NSUN3: variants seen among roughly 807,000 people sequenced by gnomAD.
NSUN3 encodes the protein NOP2/Sun RNA methyltransferase 3.
Under a neutral mutation model 36.8 loss-of-function variants are expected in NSUN3, and 24 were observed. That is an observed-to-expected ratio of 0.65 (90% CI 0.47 to 0.92). The LOEUF (loss-of-function observed/expected upper bound fraction) is 0.92, where lower values mean the gene tolerates loss of function less well. Ranked by LOEUF, NSUN3 falls within the 40% of genes least tolerant of loss-of-function variation. The pLI, the probability that NSUN3 is intolerant of heterozygous loss-of-function variation, is 0.00. For missense variants in NSUN3, 381 were observed against 392.8 expected, an observed-to-expected ratio of 0.97 and a Z score of 0.25; for synonymous variants, 146 against 145.2, an observed-to-expected ratio of 1.01 and a Z score of -0.04.
chr3:94,081,755 G>A lies in NSUN3; in HGVS notation c.123-2352G>A, dbSNP rs2077269935. On this transcript the variant is annotated intron_variant, in intron 2 of 5. Transcript: ENST00000314622. ...TTCTAAGAGATAGGAAAGAAAATGT[G>A]AATAAATGGAGAAACATATTGTGAT... 3 of 152,156 alleles carry A rather than the reference G, an allele frequency of 2.0e-5. No homozygotes were observed. The South Asian group carries it at 6.2e-4, about 32-fold the overall frequency. The allele number at this position is 152,156 out of a possible 1,614,324, so 9.4% of individuals were successfully genotyped here.
intron 5 of NSUN3, among the ~76,000 whole-genome samples, chr3:94,112,872 CTT>C (rs774346893): frequency 1.0e-3 from 150 of 149,282 alleles, no homozygotes; most frequent in Non-Finnish European, 1.8e-3. Flanking sequence ...TAACAAAACT[CTT>C]TTTTTTTTGA....
At position 94,084,299 on chromosome 3, in the gene NSUN3, C is replaced by A; in HGVS notation, c.315C>A (p.His105Gln). The A allele has an allele frequency of 6.2e-7, 1 of 1,614,108 alleles. No homozygotes were observed. Among genetic ancestry groups the A allele is most frequent in the Non-Finnish European group, 8.5e-7 (1 of 1,180,008 alleles). ...CGGGCCGAATCCCTTCAGAAAGACA[C>A]CAAATTGGAAACCTGAAAAAATATT... ...RTPGRIPSERHQIGNLKKYYL... is the reference protein window; with the variant it reads ...RTPGRIPSERQQIGNLKKYYL... The change falls in exon 3 of 6, where the codon CAC becomes CAA. Residue 105 changes from histidine to glutamine, a missense_variant. Transcript: ENST00000314622.
chr3:94,065,837 A>T (rs1218421967), intron 2 of NSUN3, among the ~76,000 whole-genome samples: 5 of 152,350 alleles, frequency 3.3e-5, no homozygotes, highest in Non-Finnish European at 7.3e-5. Flanking sequence ...GTACTCAAAT[A>T]GAGTATCCAA....
chr3:94,088,237 T>C (rs1322741440), intron 3 of NSUN3, among the ~76,000 whole-genome samples: 1 of 152,268 alleles, frequency 6.6e-6, no homozygotes, highest in Non-Finnish European at 1.5e-5. Flanking sequence ...TGTAACACTT[T>C]GTATGTGCTA....
chr3:94,074,594 G>A (rs2077239001), intron 2 of NSUN3, among the ~76,000 whole-genome samples: 1 of 152,134 alleles, frequency 6.6e-6, no homozygotes, highest in Non-Finnish European at 1.5e-5. Context: ...CTCATGATTT[G>A]GCTGTCTGTT....
At chr3:94,098,225 G>A (rs2077351337) in intron 5 of NSUN3, among the ~76,000 whole-genome samples, 1 of 152,068 alleles carries the variant, frequency 6.6e-6, no homozygotes, top group Non-Finnish European at 1.5e-5. Flanking sequence ...AGACGTCTCA[G>A]TTGTACCTAT....
chr3:94,106,979 T>C (rs2077392323), intron 5 of NSUN3, among the ~76,000 whole-genome samples: 1 of 152,142 alleles, frequency 6.6e-6, no homozygotes, highest in Non-Finnish European at 1.5e-5. Context: ...AACTTTTTTT[T>C]TTTTCTTGAG....
chr3:94,103,663 A>G (rs1422815973), intron 5 of NSUN3, among the ~76,000 whole-genome samples: 1 of 152,150 alleles, frequency 6.6e-6, no homozygotes, highest in African/African-American at 2.4e-5. Flanking sequence ...TTAGTTTATC[A>G]TGAACATTTC....
chr3:94,089,410 C>A (rs549920545), intron 3 of NSUN3, among the ~76,000 whole-genome samples: 1 of 152,114 alleles, frequency 6.6e-6, no homozygotes. Context: ...GAGGCAATTT[C>A]CCAAACAGAT....
chr3:94,089,889 G>T (rs898323032), intron 3 of NSUN3, among the ~76,000 whole-genome samples: 1 of 152,072 alleles, frequency 6.6e-6, no homozygotes, highest in East Asian at 1.9e-4. Flanking sequence ...TTCTGAGGAG[G>T]CAAGAATTGA....
chr3:94,106,608 T>TG (rs2077390330), intron 5 of NSUN3, among the ~76,000 whole-genome samples: 1 of 152,222 alleles, frequency 6.6e-6, no homozygotes, highest in African/African-American at 2.4e-5. Context: ...AGATTGTACA[T>TG]GAGCTTCAAC....
intron 5 of NSUN3, among the ~76,000 whole-genome samples, chr3:94,110,472 G>C (rs189010138): frequency 1.3e-5 from 2 of 152,128 alleles, no homozygotes; most frequent in East Asian, 1.9e-4. Flanking sequence ...TCAACACACA[G>C]AGAGCATTCC....
At chr3:94,109,898 G>T (rs1327467170) in intron 5 of NSUN3, among the ~76,000 whole-genome samples, 1 of 152,182 alleles carries the variant, frequency 6.6e-6, no homozygotes, top group East Asian at 1.9e-4. Flanking sequence ...AGAATTCATT[G>T]TTCCCTTCAT....
At position 94,100,736 on chromosome 3, in the gene NSUN3, A is replaced by G. The variant is rs541816293; in HGVS notation, c.743+5582A>G. On this transcript the variant is annotated intron_variant, in intron 5 of 5. Coordinates refer to ENST00000314622, the MANE Select transcript of NSUN3 (RefSeq NM_022072.5). ...AGATATCACATTATACTCCATAAATATTTACAATTATTATTTTTCAGTTTT... is the reference window on the plus strand; with the variant it reads ...AGATATCACATTATACTCCATAAATGTTTACAATTATTATTTTTCAGTTTT... 2.0e-5 allele frequency among the ~76,000 whole-genome samples: 3 copies of G among 152,230 alleles called. No individual in the cohort carries two copies. The South Asian group carries it at 6.2e-4, about 32-fold the overall frequency.
At chr3:94,114,243 G>A (rs1340648773) in intron 5 of NSUN3, among the ~76,000 whole-genome samples, 1 of 152,070 alleles carries the variant, frequency 6.6e-6, no homozygotes, top group African/African-American at 2.4e-5. Context: ...TTGCTTCAGG[G>A]CACATAGCTT....
At chr3:94,108,315 C>T (rs1406787022) in intron 5 of NSUN3, among the ~76,000 whole-genome samples, 5 of 152,114 alleles carry the variant, frequency 3.3e-5, no homozygotes, top group Admixed American at 6.6e-5. Flanking sequence ...AAATTCTCTT[C>T]CTGACCTGCC....
At chr3:94,076,156 A>G in intron 2 of NSUN3, 1 of 1,208,394 alleles carries the variant, frequency 8.3e-7, no homozygotes, top group Non-Finnish European at 1.2e-6. Flanking sequence ...AATCCTAGAC[A>G]TTCAGTCTGC....
chr3:94,070,687 A>G (rs1006956024), intron 2 of NSUN3, among the ~76,000 whole-genome samples: 17 of 151,978 alleles, frequency 1.1e-4, no homozygotes, highest in African/African-American at 3.1e-4. Flanking sequence ...ATTTCCCTTC[A>G]CCCTTTTCAC....
chr3:94,092,966 C>T (rs1223063881), intron 3 of NSUN3, among the ~76,000 whole-genome samples: 24 of 148,650 alleles, frequency 1.6e-4, no homozygotes, highest in Non-Finnish European at 3.4e-4. Flanking sequence ...ATGGAGCCCT[C>T]GTAGTAGAGA....
Sources: gnomAD v4.1 joint callset for allele counts (sites outside exome capture counted in the v4.1 genomes callset) on GRCh38, gnomAD v4.1.1 for gene constraint, MANE v1.5 for transcripts, NCBI Gene and HGNC (gene_info 2026-07-23, HGNC 2026-07-21) for gene names.